The following ZFAND3 variants were observed in gnomAD, a reference collection of about 807,000 sequenced individuals.
The protein encoded by ZFAND3 is AN1-type zinc finger protein 3.
ZFAND3 carries 10 observed loss-of-function variants against 29.6 expected under a neutral mutation model. That is an observed-to-expected ratio of 0.34 (90% CI 0.21 to 0.57). ZFAND3 has a LOEUF of 0.57. Among genes scored for constraint, ZFAND3 ranks in the 20% least tolerant of loss-of-function variants. The probability of loss-of-function intolerance (pLI) is 0.86; values close to 1 mark genes in which losing one functional copy is unlikely to be tolerated. For missense variants in ZFAND3, 230 were observed against 304.5 expected (o/e 0.76, Z 1.82); for synonymous variants, 128 against 112.6 (o/e 1.14, Z -0.87).
chr6:37,989,224 G>T (rs77938180), intron 2 of ZFAND3, among the ~76,000 whole-genome samples: 3 of 152,132 alleles, frequency 2.0e-5, no homozygotes, highest in Admixed American at 1.3e-4. Flanking sequence ...AACATTTAAG[G>T]TATACCAGGT....
chr6:37,928,724 C>T (rs1204735622), intron 1 of ZFAND3, among the ~76,000 whole-genome samples: 1 of 152,088 alleles, frequency 6.6e-6, no homozygotes, highest in Non-Finnish European at 1.5e-5. Context: ...TCATGTTGCC[C>T]AGGCTGGTCT....
At position 38,030,572 on chromosome 6, in the gene ZFAND3, A is replaced by G. The variant is rs571071828; in HGVS notation, c.113-31021A>G. Among the ~76,000 whole-genome samples the G allele has an allele frequency of 2.1e-4, 32 of 152,314 alleles. 1 individual carries two copies. Among genetic ancestry groups the G allele is most frequent in the Middle Eastern group, 6.8e-3 (2 of 294 alleles). Reference sequence around the variant, plus strand: ...TTTCATTCCAAGAAGCAGTGATAAGACCAGCAACTGATTGTTCAACAGAAA... The same window carrying G: ...TTTCATTCCAAGAAGCAGTGATAAGGCCAGCAACTGATTGTTCAACAGAAA... On this transcript the variant is annotated intron_variant, in intron 2 of 5. Coordinates refer to ENST00000287218, the MANE Select transcript of ZFAND3 (RefSeq NM_021943.3).
intron 1 of ZFAND3, among the ~76,000 whole-genome samples, chr6:37,903,123 A>C (rs111637469): frequency 1.3e-5 from 2 of 152,194 alleles, no homozygotes; most frequent in Admixed American, 1.3e-4. Context: ...CTTTATTGGT[A>C]CATAATGAGA....
chr6:38,118,763 AG>A (rs1436993401), intron 5 of ZFAND3, among the ~76,000 whole-genome samples: 12 of 101,788 alleles, frequency 1.2e-4, no homozygotes, highest in Non-Finnish European at 2.7e-4. Flanking sequence ...CTGAAAAAAA[AG>A]AAAAAAAAAA....
chr6:37,916,804 T>G (rs917080724), intron 1 of ZFAND3, among the ~76,000 whole-genome samples: 1 of 152,240 alleles, frequency 6.6e-6, no homozygotes, highest in East Asian at 1.9e-4. Context: ...ACATAAGTTT[T>G]AAGTTGCACA....
chr6:37,830,081 T>C (rs13195545), intron 1 of ZFAND3, among the ~76,000 whole-genome samples: 32,642 of 152,134 alleles, frequency 0.21, 4,316 homozygotes, highest in African/African-American at 0.36. Context: ...TCTAAATAAA[T>C]TAGATTTTTA....
intron 1 of ZFAND3, among the ~76,000 whole-genome samples, chr6:37,840,147 G>T (rs1304832464): frequency 6.6e-6 from 1 of 151,900 alleles, no homozygotes; most frequent in Non-Finnish European, 1.5e-5. Flanking sequence ...GCCCAAGCTG[G>T]AGTGCAGTGG....
intron 2 of ZFAND3, among the ~76,000 whole-genome samples, chr6:37,997,036 A>G (rs2127437785): frequency 6.6e-6 from 1 of 152,252 alleles, no homozygotes; most frequent in Admixed American, 6.5e-5. Context: ...AGAACTTCAT[A>G]TGTTAGTTTG....
At chr6:37,993,603 A>G (rs1762798574) in intron 2 of ZFAND3, among the ~76,000 whole-genome samples, 1 of 152,250 alleles carries the variant, frequency 6.6e-6, no homozygotes. Flanking sequence ...TTGGGATTAC[A>G]GGCGTGAACC....
chr6:38,116,523 T>TGCCAG, intron 4 of ZFAND3, 49 bp from the exon 5 acceptor site: 1 of 1,565,660 alleles, frequency 6.4e-7, no homozygotes, highest in South Asian at 1.2e-5. Flanking sequence ...CAACTGTGCT[T>TGCCAG]GCCAGGCCAG....
intron 2 of ZFAND3, among the ~76,000 whole-genome samples, chr6:38,015,080 T>C (rs2127445427): frequency 6.6e-6 from 1 of 152,352 alleles, no homozygotes; most frequent in Admixed American, 6.5e-5. Context: ...GAGGAGTATA[T>C]ATTTTACTGT....
chr6:38,010,660 C>T (rs916559734), intron 2 of ZFAND3, among the ~76,000 whole-genome samples: 1 of 149,726 alleles, frequency 6.7e-6, no homozygotes, highest in Non-Finnish European at 1.5e-5. Flanking sequence ...AGTGCAATGG[C>T]GCAATCTCAG....
chr6:37,961,653 G>A (rs11751706), intron 2 of ZFAND3, among the ~76,000 whole-genome samples: 10,130 of 152,310 alleles, frequency 0.067, 406 homozygotes, highest in Non-Finnish European at 0.087. Context: ...GTGGCTCAGA[G>A]CAGAGAGAGA....
At chr6:37,911,133 G>A (rs1317091416) in intron 1 of ZFAND3, among the ~76,000 whole-genome samples, 2 of 152,120 alleles carry the variant, frequency 1.3e-5, no homozygotes, top group Non-Finnish European at 2.9e-5. Context: ...CATATTGGAT[G>A]TACTAATTCC....
chr6:37,879,888 T>C (rs1017636502), intron 1 of ZFAND3, among the ~76,000 whole-genome samples: 2 of 152,206 alleles, frequency 1.3e-5, no homozygotes, highest in African/African-American at 4.8e-5. Flanking sequence ...GGCTGCGTTA[T>C]AGACTCTGCA....
chr6:38,069,447 A>G (rs139138700), intron 3 of ZFAND3, among the ~76,000 whole-genome samples: 1 of 152,230 alleles, frequency 6.6e-6, no homozygotes, highest in South Asian at 2.1e-4. Flanking sequence ...TAATAGTCTC[A>G]AAGTGGAAGA....
chr6:37,839,913 G>T (rs1764041593), intron 1 of ZFAND3, among the ~76,000 whole-genome samples: 1 of 152,046 alleles, frequency 6.6e-6, no homozygotes, highest in Non-Finnish European at 1.5e-5. Context: ...CACGTTTTTT[G>T]GGGATGTGTC....
At chr6:38,046,546 G>A (rs889610668) in intron 2 of ZFAND3, among the ~76,000 whole-genome samples, 4 of 152,198 alleles carry the variant, frequency 2.6e-5, no homozygotes, top group Non-Finnish European at 5.9e-5. Context: ...GTATGAGGCA[G>A]TTCATTCCTA....
At chr6:37,864,669 GTA>G (rs1349028203) in intron 1 of ZFAND3, among the ~76,000 whole-genome samples, 2 of 151,706 alleles carry the variant, frequency 1.3e-5, no homozygotes. Flanking sequence ...GTGTGTGGGT[GTA>G]TATGTGTGTA....
Sources: gnomAD v4.1 joint callset for allele counts (sites outside exome capture counted in the v4.1 genomes callset) on GRCh38, gnomAD v4.1.1 for gene constraint, MANE v1.5 for transcripts, NCBI Gene and HGNC (gene_info 2026-07-23, HGNC 2026-07-21) for gene names.